The following CDH13 variants were observed in gnomAD, a reference collection of about 807,000 sequenced individuals.
CDH13 encodes cadherin-13.
Under a neutral mutation model 63.8 loss-of-function variants are expected in CDH13, and 24 were observed. That is an observed-to-expected ratio of 0.38 (90% CI 0.27 to 0.53). CDH13 has a LOEUF of 0.53. CDH13 is among the 20% of genes least tolerant of loss of function. The pLI, the probability that CDH13 is intolerant of heterozygous loss-of-function variation, is 0.85. For synonymous variants in CDH13, 503 were observed against 355.3 expected (o/e 1.42, Z -4.67); for missense variants, 1,049 against 903.1 (o/e 1.16, Z -2.07).
At chr16:83,534,659 C>G (rs1223141377) in intron 7 of CDH13, among the ~76,000 whole-genome samples, 3 of 152,202 alleles carry the variant, frequency 2.0e-5, no homozygotes, top group Non-Finnish European at 4.4e-5. Flanking sequence ...GTCAGCACTT[C>G]TTTTCATAGC....
At chr16:83,646,519 G>C (rs1309523368) in intron 8 of CDH13, among the ~76,000 whole-genome samples, 1 of 151,904 alleles carries the variant, frequency 6.6e-6, no homozygotes, top group Non-Finnish European at 1.5e-5. Flanking sequence ...TGGCCAAAAT[G>C]GTGAAACCCC....
intron 5 of CDH13, among the ~76,000 whole-genome samples, chr16:83,312,814 G>C (rs1161514083): frequency 2.6e-5 from 4 of 152,194 alleles, no homozygotes; most frequent in African/African-American, 9.6e-5. Context: ...GCAAAAGTCA[G>C]CAAAAATAAA....
At chr16:82,908,926 A>G (rs1367653124) in intron 2 of CDH13, among the ~76,000 whole-genome samples, 2 of 152,208 alleles carry the variant, frequency 1.3e-5, no homozygotes, top group Admixed American at 1.3e-4. Context: ...TAAAACCTGC[A>G]TATAAGGAGG....
intron 1 of CDH13, among the ~76,000 whole-genome samples, chr16:82,808,535 G>A (rs1250830841): frequency 1.3e-5 from 2 of 152,160 alleles, no homozygotes; most frequent in African/African-American, 4.8e-5. Flanking sequence ...CACATGAAAA[G>A]GCAAGTGATA....
intron 5 of CDH13, among the ~76,000 whole-genome samples, chr16:83,306,763 T>C (rs983202775): frequency 6.6e-6 from 1 of 152,086 alleles, no homozygotes; most frequent in Admixed American, 6.5e-5. Context: ...TGATAAGAAA[T>C]GTGGGTTGTA....
chr16:83,325,805 T>G (rs2151898712), intron 5 of CDH13, among the ~76,000 whole-genome samples: 1 of 152,274 alleles, frequency 6.6e-6, no homozygotes, highest in East Asian at 1.9e-4. Context: ...AAAACAGAAT[T>G]AAACACACTC....
At chr16:82,707,756 G>A (rs1567647539) in intron 1 of CDH13, among the ~76,000 whole-genome samples, 1 of 152,216 alleles carries the variant, frequency 6.6e-6, no homozygotes, top group Non-Finnish European at 1.5e-5. Context: ...ATTTGTAGGT[G>A]AAGACGTGTA....
chr16:83,532,788 G>C (rs144359287), intron 7 of CDH13, among the ~76,000 whole-genome samples: 2 of 152,184 alleles, frequency 1.3e-5, no homozygotes, highest in East Asian at 1.9e-4. Context: ...CTTTGCACTA[G>C]AGCAGTTGTC....
chr16:83,266,103 A>T (rs1012167241), intron 5 of CDH13, among the ~76,000 whole-genome samples: 1 of 151,894 alleles, frequency 6.6e-6, no homozygotes, highest in African/African-American at 2.4e-5. Flanking sequence ...CGTCCGGCTA[A>T]TTTTTGTGTT....
At chr16:82,821,520 T>C (rs1394047225) in intron 1 of CDH13, among the ~76,000 whole-genome samples, 4 of 152,138 alleles carry the variant, frequency 2.6e-5, no homozygotes, top group African/African-American at 9.7e-5. Context: ...CCATAATTGG[T>C]TAGAGCCTTG....
chr16:83,625,795 T>C (rs1013934955), intron 8 of CDH13, among the ~76,000 whole-genome samples: 1 of 152,020 alleles, frequency 6.6e-6, no homozygotes, highest in Admixed American at 6.6e-5. Flanking sequence ...TTCCAGGAGG[T>C]ACCTCAGCCC....
chr16:83,431,440 T>C (rs2072105519), intron 6 of CDH13, among the ~76,000 whole-genome samples: 2 of 152,054 alleles, frequency 1.3e-5, no homozygotes, highest in South Asian at 4.2e-4. Flanking sequence ...CAGAAGTCAT[T>C]GTGCAAATCA....
In CDH13 at chr16:83,047,363, G is replaced by C. The variant is rs1223705865; in HGVS notation, c.366+15145G>C. ...AACCGTGGTTAACACAGATAATTGA[G>C]ACTTGAGTGCTTTTTTATTCCAAGT... is the stretch of plus-strand genomic sequence containing the variant. On this transcript the variant is annotated intron_variant, in intron 3 of 13. Coordinates refer to ENST00000567109, the MANE Select transcript of CDH13 (RefSeq NM_001257.5). This position sits in a 1 kb window ranked among gnomAD's most constrained non-coding sequence, Gnocchi z 4.9. Among the ~76,000 whole-genome samples, 1 of 152,172 alleles carries C rather than the reference G, an allele frequency of 6.6e-6. No homozygotes were observed. The highest frequency in any genetic ancestry group is 1.5e-5 in the Non-Finnish European group (1 of 68,038).
At chr16:83,229,735 C>A (rs554356649) in intron 5 of CDH13, among the ~76,000 whole-genome samples, 1 of 152,136 alleles carries the variant, frequency 6.6e-6, no homozygotes, top group South Asian at 2.1e-4. Flanking sequence ...TAAAATCCAC[C>A]TTTTCTGGAA....
chr16:82,783,540 G>A (rs2035864702), intron 1 of CDH13, among the ~76,000 whole-genome samples: 1 of 152,240 alleles, frequency 6.6e-6, no homozygotes, highest in Non-Finnish European at 1.5e-5. Flanking sequence ...GCAGCCCTGA[G>A]GATGTAGAGA....
intron 2 of CDH13, among the ~76,000 whole-genome samples, chr16:82,994,118 G>A (rs1567726083): frequency 6.6e-6 from 1 of 152,276 alleles, no homozygotes; most frequent in African/African-American, 2.4e-5. Context: ...TGTGGGGAGG[G>A]AAGGGATGTT....
intron 2 of CDH13, among the ~76,000 whole-genome samples, chr16:82,947,178 C>G (rs1306712736): frequency 6.6e-6 from 1 of 152,110 alleles, no homozygotes; most frequent in Non-Finnish European, 1.5e-5. Flanking sequence ...TCCATCACAC[C>G]TCAACCAGAG....
chr16:83,763,701 T>A lies in CDH13; in HGVS notation c.1681+15451T>A, dbSNP rs565108552. ...ACACCCCTTATCTCAGCTGTGATAT[T>A]AATTGAGGAGGAAAAATAAATTGAT... is the stretch of plus-strand genomic sequence containing the variant. On this transcript the variant is annotated intron_variant, in intron 11 of 13. Coordinates refer to ENST00000567109, the MANE Select transcript of CDH13 (RefSeq NM_001257.5). 2.0e-5 allele frequency among the ~76,000 whole-genome samples: 3 copies of A among 152,288 alleles called. 1 individual carries two copies. In the South Asian group the frequency reaches 6.2e-4, roughly 32 times the overall value.
intron 2 of CDH13, among the ~76,000 whole-genome samples, chr16:83,010,143 A>AAAAAAAAAAAC (rs1913983021): frequency 1.2e-5 from 1 of 82,012 alleles, no homozygotes; most frequent in East Asian, 3.3e-4. Flanking sequence ...CTCAAAAAAA[A>AAAAAAAAAAAC]AAAAAAAAAA....
Sources: allele counts gnomAD v4.1 joint callset (sites outside exome capture counted in the v4.1 genomes callset), GRCh38; gene constraint gnomAD v4.1.1; non-coding constraint Gnocchi (gnomAD v3.1); transcripts MANE v1.5; gene names NCBI Gene and HGNC (gene_info 2026-07-23, HGNC 2026-07-21).